The following ERBB4 variants were observed in gnomAD, a reference collection of about 807,000 sequenced individuals.
ERBB4 encodes the protein receptor tyrosine-protein kinase erbB-4.
Under a neutral mutation model 158.0 loss-of-function variants are expected in ERBB4, and 42 were observed. The ratio of observed to expected loss-of-function variants is 0.27; its 90% confidence interval spans 0.21 to 0.34. ERBB4 has a LOEUF of 0.34. ERBB4 is among the 10% of genes least tolerant of loss of function. ERBB4 has a pLI of 1.00. For missense variants in ERBB4, 1,333 were observed against 1,624.1 expected (o/e 0.82, Z 3.08); for synonymous variants, 583 against 558.7 (o/e 1.04, Z -0.61).
intron 2 of ERBB4, among the ~76,000 whole-genome samples, chr2:211,977,073 G>A (rs2081628798): frequency 2.0e-5 from 3 of 152,112 alleles, no homozygotes; most frequent in Admixed American, 1.3e-4. Flanking sequence ...TGCAGGAAGA[G>A]GTATATTCCT....
intron 1 of ERBB4, among the ~76,000 whole-genome samples, chr2:212,323,038 T>C (rs1404390897): frequency 2.7e-5 from 4 of 150,614 alleles, no homozygotes; most frequent in Non-Finnish European, 6.0e-5. Flanking sequence ...TAAAATAAAC[T>C]ATTTAATTTT....
chr2:211,789,420 A>G (rs2076234815), intron 3 of ERBB4, among the ~76,000 whole-genome samples: 1 of 152,142 alleles, frequency 6.6e-6, no homozygotes, highest in Non-Finnish European at 1.5e-5. Context: ...GCTACATCTA[A>G]AAACTAAACT....
intron 4 of ERBB4, among the ~76,000 whole-genome samples, chr2:211,785,690 A>G (rs1166201327): frequency 6.6e-6 from 1 of 152,050 alleles, no homozygotes; most frequent in African/African-American, 2.4e-5. Context: ...TTTAAAATAT[A>G]TTATTTATGC....
intron 20 of ERBB4, among the ~76,000 whole-genome samples, chr2:211,441,671 C>A (rs755351009): frequency 1.3e-5 from 2 of 152,118 alleles, no homozygotes; most frequent in African/African-American, 4.8e-5. Context: ...GCTCCAGAAG[C>A]TACAGCTTAT....
At chr2:211,781,752 C>T (rs1455505121) in intron 4 of ERBB4, among the ~76,000 whole-genome samples, 1 of 151,962 alleles carries the variant, frequency 6.6e-6, no homozygotes, top group African/African-American at 2.4e-5. Context: ...ATTTATTGCT[C>T]GTAATAGCCC....
intron 1 of ERBB4, among the ~76,000 whole-genome samples, chr2:212,257,332 T>G (rs1196867536): frequency 1.3e-5 from 2 of 152,150 alleles, no homozygotes; most frequent in Non-Finnish European, 2.9e-5. Flanking sequence ...TTTCTATGTT[T>G]TGTAATTCTG....
At chr2:212,031,011 A>G (rs2125348918) in intron 2 of ERBB4, among the ~76,000 whole-genome samples, 1 of 152,162 alleles carries the variant, frequency 6.6e-6, no homozygotes, top group East Asian at 1.9e-4. Context: ...CTCTTATCCA[A>G]CATCCGTCTT....
intron 2 of ERBB4, among the ~76,000 whole-genome samples, chr2:212,005,008 A>T (rs2076226794): frequency 6.6e-6 from 1 of 152,146 alleles, no homozygotes; most frequent in South Asian, 2.1e-4. Flanking sequence ...TGTTTCTCTA[A>T]TATAAGCTAT....
intron 20 of ERBB4, among the ~76,000 whole-genome samples, chr2:211,501,119 A>G (rs75934570): frequency 6.7e-6 from 1 of 150,186 alleles, no homozygotes; most frequent in African/African-American, 2.5e-5. Context: ...CTACTAAAAA[A>G]GGTAAAAGGG....
chr2:212,341,504 A>G (rs1019293831), intron 1 of ERBB4, among the ~76,000 whole-genome samples: 9 of 152,122 alleles, frequency 5.9e-5, no homozygotes, highest in African/African-American at 2.2e-4. Flanking sequence ...ATTTCAGTCC[A>G]TGGGTAAGTA....
intron 20 of ERBB4, among the ~76,000 whole-genome samples, chr2:211,480,583 T>C (rs1363752983): frequency 6.6e-6 from 1 of 152,230 alleles, no homozygotes; most frequent in East Asian, 1.9e-4. Flanking sequence ...TGTGAGTCAA[T>C]TGAACCTCTT....
chr2:211,757,370 G>C (rs2106229556), intron 4 of ERBB4, among the ~76,000 whole-genome samples: 1 of 152,236 alleles, frequency 6.6e-6, no homozygotes, highest in Non-Finnish European at 1.5e-5. Context: ...TTATCGTTGG[G>C]ATTTTTCATC....
chr2:211,635,841 A>T (rs2070336953), intron 16 of ERBB4, among the ~76,000 whole-genome samples: 3 of 152,082 alleles, frequency 2.0e-5, no homozygotes, highest in Admixed American at 2.0e-4. Flanking sequence ...GGTTTATTAA[A>T]TTTTGAATAT....
chr2:212,136,045 C>T (rs2125594315), intron 1 of ERBB4, among the ~76,000 whole-genome samples: 1 of 152,256 alleles, frequency 6.6e-6, no homozygotes, highest in South Asian at 2.1e-4. Flanking sequence ...TTCAACCATC[C>T]CCTCGTGTCT....
chr2:212,021,166 T>C (rs547036970), intron 2 of ERBB4, among the ~76,000 whole-genome samples: 31 of 152,296 alleles, frequency 2.0e-4, no homozygotes, highest in Middle Eastern at 3.4e-3. Context: ...TCCAGACATA[T>C]GATTTTGATC....
At chr2:212,047,672 T>TG (rs2077291830) in intron 2 of ERBB4, among the ~76,000 whole-genome samples, 2 of 149,384 alleles carry the variant, frequency 1.3e-5, no homozygotes, top group Non-Finnish European at 3.0e-5. Context: ...TTAGTAGAGA[T>TG]GGGGTTTCAC....
intron 1 of ERBB4, among the ~76,000 whole-genome samples, chr2:212,198,522 A>G (rs1244717148): frequency 2.6e-5 from 4 of 152,102 alleles, no homozygotes; most frequent in Non-Finnish European, 5.9e-5. Context: ...ATCGTATTGT[A>G]GTATGTGTTA....
At chr2:211,829,861 T>C (rs894537244) in intron 3 of ERBB4, among the ~76,000 whole-genome samples, 4 of 152,188 alleles carry the variant, frequency 2.6e-5, no homozygotes, top group Non-Finnish European at 2.9e-5. Context: ...GGATGACTTA[T>C]CATAAAAAAT....
At chr2:211,386,763 C>T in intron 27 of ERBB4, 90 bp downstream of exon 27, 1 of 1,302,356 alleles carries the variant, frequency 7.7e-7, no homozygotes, top group Non-Finnish European at 1.1e-6. Flanking sequence ...TTGTGCTGGT[C>T]AGCTATCTGG....
Sources: allele counts gnomAD v4.1 joint callset (sites outside exome capture counted in the v4.1 genomes callset), GRCh38; gene constraint gnomAD v4.1.1; transcripts MANE v1.5; gene names NCBI Gene and HGNC (gene_info 2026-07-23, HGNC 2026-07-21).